RBFOX2: variants seen among roughly 807,000 people sequenced by gnomAD.
RBFOX2 encodes RNA binding protein fox-1 homolog 2.
Under a neutral mutation model 49.1 loss-of-function variants are expected in RBFOX2, and 10 were observed. The ratio of observed to expected loss-of-function variants is 0.20; its 90% confidence interval spans 0.13 to 0.35. RBFOX2 has a LOEUF of 0.35. Among genes scored for constraint, RBFOX2 ranks in the 10% least tolerant of loss-of-function variants. The probability of loss-of-function intolerance (pLI) is 1.00; values close to 1 mark genes in which losing one functional copy is unlikely to be tolerated. For synonymous variants in RBFOX2, 183 were observed against 187.4 expected (o/e 0.98, Z 0.19); for missense variants, 323 against 486.9 (o/e 0.66, Z 3.17).
At chr22:35,874,948 G>A (rs1331285783) in intron 1 of RBFOX2, among the ~76,000 whole-genome samples, 1 of 152,158 alleles carries the variant, frequency 6.6e-6, no homozygotes, top group Non-Finnish European at 1.5e-5. Flanking sequence ...TGATAGGGGA[G>A]TGGCACTGCT....
At chr22:35,748,313 T>C (rs1268603575) in intron 9 of RBFOX2, 1 of 152,228 alleles carries the variant, frequency 6.6e-6, no homozygotes, top group African/African-American at 2.4e-5. Context: ...CTCTAATTAA[T>C]ATTACCAAAC....
At chr22:36,022,423 C>T (rs1239354949) in intron 1 of RBFOX2, among the ~76,000 whole-genome samples, 1 of 152,160 alleles carries the variant, frequency 6.6e-6, no homozygotes. Flanking sequence ...AGTTGGGAGA[C>T]AAACTCAACT....
chr22:35,856,093 C>T, intron 1 of RBFOX2, among the ~76,000 whole-genome samples: 1 of 151,908 alleles, frequency 6.6e-6, no homozygotes, highest in Non-Finnish European at 1.5e-5. Context: ...GAGAAACAGA[C>T]CTAGACTTAG....
intron 1 of RBFOX2, among the ~76,000 whole-genome samples, chr22:36,007,059 A>G (rs2058646264): frequency 6.6e-6 from 1 of 152,164 alleles, no homozygotes; most frequent in Non-Finnish European, 1.5e-5. Flanking sequence ...TATGGTAGTG[A>G]TTCTCACTCA....
chr22:35,876,695 A>T (rs956132511), intron 1 of RBFOX2, among the ~76,000 whole-genome samples: 2 of 141,814 alleles, frequency 1.4e-5, no homozygotes, highest in African/African-American at 5.6e-5. Flanking sequence ...TTCTCCCATT[A>T]AAAGAAACAC....
At chr22:35,862,280 T>A (rs2043178453) in intron 1 of RBFOX2, among the ~76,000 whole-genome samples, 1 of 151,744 alleles carries the variant, frequency 6.6e-6, no homozygotes, top group Non-Finnish European at 1.5e-5. Flanking sequence ...TCATTGTATA[T>A]CAATTATACC....
At chr22:35,962,880 G>T (rs1468869124), upstream of RBFOX2, among the ~76,000 whole-genome samples, 1 of 151,898 alleles carries the variant, frequency 6.6e-6, no homozygotes, top group Non-Finnish European at 1.5e-5. Flanking sequence ...CAGTGGCTAT[G>T]TCCTATGTGA....
intron 1 of RBFOX2, among the ~76,000 whole-genome samples, chr22:36,003,690 T>G (rs2058515391): frequency 1.3e-5 from 2 of 152,176 alleles, no homozygotes; most frequent in South Asian, 4.1e-4. Flanking sequence ...AAAACAAAAA[T>G]AAACTTTAAG....
At chr22:35,930,581 G>A (rs954237814) in intron 1 of RBFOX2, among the ~76,000 whole-genome samples, 4 of 151,864 alleles carry the variant, frequency 2.6e-5, no homozygotes, top group East Asian at 3.9e-4. Context: ...TGTAATCCCA[G>A]CACTTTGGGA....
Position 35,869,438 on chromosome 22 carries a change from C to T in RBFOX2, c.-33-59434G>A, listed in dbSNP as rs538223317. 3.3e-4 allele frequency among the ~76,000 whole-genome samples: 40 copies of T among 120,346 alleles called. No individual in the cohort carries two copies. The South Asian group carries it at 0.011, about 32-fold the overall frequency. The allele number at this position is 120,346 out of a possible 152,430, so 79.0% of individuals were successfully genotyped here. On this transcript the variant is annotated intron_variant, in intron 1 of 13. Transcript: ENST00000359369. ...CCTCCCAAAATGCTGGGATTACAGGCATGAGCCACCACACCCAGCCAACGG... is the reference window on the plus strand; with the variant it reads ...CCTCCCAAAATGCTGGGATTACAGGTATGAGCCACCACACCCAGCCAACGG...
chr22:35,914,722 G>A (rs369341310), intron 1 of RBFOX2, among the ~76,000 whole-genome samples: 1 of 152,186 alleles, frequency 6.6e-6, no homozygotes, highest in Non-Finnish European at 1.5e-5. Flanking sequence ...TGATTGGTTG[G>A]TTCCCAAAGG....
At chr22:35,871,320 G>A (rs1442911417) in intron 1 of RBFOX2, among the ~76,000 whole-genome samples, 2 of 152,136 alleles carry the variant, frequency 1.3e-5, no homozygotes, top group African/African-American at 4.8e-5. Context: ...AGGGAATAGA[G>A]GAAACTAGGA....
intron 11 of RBFOX2, among the ~76,000 whole-genome samples, chr22:35,745,326 A>G (rs1438366360): frequency 6.6e-6 from 1 of 152,208 alleles, no homozygotes; most frequent in East Asian, 1.9e-4. Flanking sequence ...TACTGCAGTG[A>G]GGTGGTTGGT....
At chr22:35,980,416 C>G (rs2057399740) in intron 1 of RBFOX2, among the ~76,000 whole-genome samples, 2 of 152,158 alleles carry the variant, frequency 1.3e-5, no homozygotes, top group Admixed American at 1.3e-4. Flanking sequence ...AATTACTAAA[C>G]TGGATAATTG....
intron 1 of RBFOX2, among the ~76,000 whole-genome samples, chr22:35,975,093 G>C (rs913517211): frequency 3.3e-5 from 5 of 152,058 alleles, no homozygotes; most frequent in African/African-American, 1.2e-4. Context: ...TTAGAAAAAC[G>C]AAATTTTAAA....
chr22:35,786,838 C>T (rs1166110642), intron 2 of RBFOX2, among the ~76,000 whole-genome samples: 1 of 152,148 alleles, frequency 6.6e-6, no homozygotes, highest in African/African-American at 2.4e-5. Flanking sequence ...AACTAGGCAG[C>T]CCAATTTCAT....
At chr22:35,763,290 C>G (rs921170334) in intron 6 of RBFOX2, among the ~76,000 whole-genome samples, 2 of 152,076 alleles carry the variant, frequency 1.3e-5, no homozygotes, top group African/African-American at 4.8e-5. Context: ...GGGCAGGCAC[C>G]GTAGCTCAAG....
chr22:35,909,119 G>C (rs1406841268), intron 1 of RBFOX2, among the ~76,000 whole-genome samples: 1 of 152,170 alleles, frequency 6.6e-6, no homozygotes, highest in Non-Finnish European at 1.5e-5. Flanking sequence ...TGGAATTACA[G>C]GAGTGAGCCA....
At chr22:35,987,343 A>T (rs1204364367) in intron 1 of RBFOX2, among the ~76,000 whole-genome samples, 1 of 152,224 alleles carries the variant, frequency 6.6e-6, no homozygotes, top group Non-Finnish European at 1.5e-5. Flanking sequence ...ATATTATACT[A>T]TTCTGAGTTG....
Sources: allele counts gnomAD v4.1 joint callset (sites outside exome capture counted in the v4.1 genomes callset), GRCh38; gene constraint gnomAD v4.1.1; transcripts MANE v1.5; gene names NCBI Gene and HGNC (gene_info 2026-07-23, HGNC 2026-07-21).